Variants in VGLL3 observed in about 807,000 individuals in gnomAD.
VGLL3 encodes transcription cofactor vestigial-like protein 3.
In VGLL3, 18 loss-of-function variants were observed where a neutral mutation model predicts 29.2. The ratio of observed to expected loss-of-function variants is 0.62; its 90% CI spans 0.43 to 0.91. The LOEUF (loss-of-function observed/expected upper bound fraction) is 0.91, where lower values mean the gene tolerates loss of function less well. Ranked by LOEUF, VGLL3 falls within the 40% of genes least tolerant of loss-of-function variation. The pLI is 0.00. For synonymous variants in VGLL3, 180 were observed against 151.8 expected (o/e 1.19, Z -1.36); for missense variants, 440 against 413.2 (o/e 1.06, Z -0.56).
intron 3 of VGLL3, among the ~76,000 whole-genome samples, chr3:86,959,227 A>G (rs1050530947): frequency 6.6e-6 from 1 of 152,142 alleles, no homozygotes; most frequent in Non-Finnish European, 1.5e-5. Flanking sequence ...TCCATATAGA[A>G]CTGTCATTTT....
At position 86,941,716 on chromosome 3, in the gene VGLL3, A is replaced by G. The variant is rs960455689; in HGVS notation, c.*5308T>C. On this transcript the variant is annotated 3_prime_UTR_variant, in exon 4 of 4. Transcript: ENST00000398399. Reference sequence around the variant, plus strand: ...ATAAAAGAAATAGAAAAGTTGAGATACTTTAACAATAATGACGATTTCTGT... The same window carrying G: ...ATAAAAGAAATAGAAAAGTTGAGATGCTTTAACAATAATGACGATTTCTGT... 1.3e-5 allele frequency: 2 copies of G among 152,266 alleles called. No individual in the cohort carries two copies. The highest frequency in any genetic ancestry group is 3.9e-4 in the East Asian group (2 of 5,186). 9.4% of individuals were successfully genotyped at this position (152,266 alleles called of 1,614,324 possible). A position where few individuals can be genotyped will look rare whatever the true frequency, so the allele number is the denominator to read the frequency against.
intron 1 of VGLL3, among the ~76,000 whole-genome samples, chr3:86,980,359 A>G (rs1310224907): frequency 6.6e-6 from 1 of 152,120 alleles, no homozygotes; most frequent in Non-Finnish European, 1.5e-5. Flanking sequence ...GTTCTTGTAT[A>G]AGGTGAGTAC....
Position 86,940,323 on chromosome 3 carries a change from A to T in VGLL3, c.*6701T>A, listed in dbSNP as rs944851924. The T allele has an allele frequency of 6.6e-6, 1 of 152,666 alleles. No homozygotes were observed. Among genetic ancestry groups the T allele is most frequent in the African/African-American group, 2.4e-5 (1 of 41,472 alleles). 9.5% of individuals were successfully genotyped at this position (152,666 alleles called of 1,614,324 possible). On this transcript the variant is annotated 3_prime_UTR_variant, in exon 4 of 4. Transcript: ENST00000398399. ...TGTCAACAAATGTAAAAACAATAAAATACACCTTGGTCAACCAATATCCTT... is the reference window on the plus strand; with the variant it reads ...TGTCAACAAATGTAAAAACAATAAATTACACCTTGGTCAACCAATATCCTT...
intron 3 of VGLL3, among the ~76,000 whole-genome samples, chr3:86,950,405 A>G (rs1320519005): frequency 1.3e-5 from 2 of 152,216 alleles, no homozygotes; most frequent in African/African-American, 4.8e-5. Context: ...TTAAGTTAAG[A>G]GAATTTACGC....
chr3:86,963,276 G>A (rs922784496), intron 3 of VGLL3, among the ~76,000 whole-genome samples: 1 of 152,128 alleles, frequency 6.6e-6, no homozygotes, highest in African/African-American at 2.4e-5. Flanking sequence ...ATGACTTTAT[G>A]ATAGATGCTA....
chr3:86,976,929 A>T (rs1705221463), intron 2 of VGLL3, among the ~76,000 whole-genome samples: 1 of 152,158 alleles, frequency 6.6e-6, no homozygotes, highest in Non-Finnish European at 1.5e-5. Context: ...TAACTCACTA[A>T]TGTTTTCCTA....
chr3:86,976,531 AT>A (rs1174497806), intron 2 of VGLL3, among the ~76,000 whole-genome samples: 3 of 152,224 alleles, frequency 2.0e-5, no homozygotes, highest in Admixed American at 1.3e-4. Context: ...ATATTTGAAG[AT>A]CAAATTTAAG....
At chr3:86,987,209 T>G (rs1368901842) in intron 1 of VGLL3, among the ~76,000 whole-genome samples, 1 of 152,142 alleles carries the variant, frequency 6.6e-6, no homozygotes, top group Non-Finnish European at 1.5e-5. Context: ...TGAAGTTATG[T>G]TTTTCCAGGG....
rs1704395914 is a variant in VGLL3 at position 86,941,455 on chromosome 3, T to C, written c.*5569A>G. The C allele has an allele frequency of 6.6e-6, 1 of 152,236 alleles. No homozygotes were observed. The highest frequency in any genetic ancestry group is 2.4e-5 in the African/African-American group (1 of 41,414). 9.4% of individuals were successfully genotyped at this position (152,236 alleles called of 1,614,324 possible). A position where few individuals can be genotyped will look rare whatever the true frequency, so the allele number is the denominator to read the frequency against. ...ATTTAGTAGTCTAGAAATTGTTTTTTTTTTTAAAAAAACAAATTGATGATT... is the reference window on the plus strand; with the variant it reads ...ATTTAGTAGTCTAGAAATTGTTTTTCTTTTTAAAAAAACAAATTGATGATT... On this transcript the variant is annotated 3_prime_UTR_variant, in exon 4 of 4. Coordinates refer to ENST00000398399, the MANE Select transcript of VGLL3 (RefSeq NM_016206.4).
At chr3:86,982,270 TAGAA>T (rs1705340885) in intron 1 of VGLL3, among the ~76,000 whole-genome samples, 1 of 151,968 alleles carries the variant, frequency 6.6e-6, no homozygotes, top group African/African-American at 2.4e-5. Flanking sequence ...TCAGCCTCCC[TAGAA>T]GCTGGGATTA....
intron 2 of VGLL3, among the ~76,000 whole-genome samples, chr3:86,974,080 TG>T (rs1221980685): frequency 1.3e-5 from 2 of 152,100 alleles, no homozygotes; most frequent in Non-Finnish European, 2.9e-5. Flanking sequence ...AACATATATT[TG>T]TATGGAGATA....
At chr3:86,982,077 A>T (rs1705336331) in intron 1 of VGLL3, among the ~76,000 whole-genome samples, 1 of 152,186 alleles carries the variant, frequency 6.6e-6, no homozygotes, top group African/African-American at 2.4e-5. Flanking sequence ...CATTCTCCAT[A>T]GACTCTGGTG....
intron 3 of VGLL3, among the ~76,000 whole-genome samples, chr3:86,964,956 G>A (rs569586794): frequency 8.5e-5 from 13 of 152,078 alleles, no homozygotes; most frequent in African/African-American, 2.4e-4. Context: ...TCAGGAGTTC[G>A]AGACCAGCCT....
At chr3:86,980,886 T>C (rs1239761053) in intron 1 of VGLL3, among the ~76,000 whole-genome samples, 1 of 152,102 alleles carries the variant, frequency 6.6e-6, no homozygotes, top group Non-Finnish European at 1.5e-5. Flanking sequence ...GGTGGCATCA[T>C]TGTCCACAAG....
intron 3 of VGLL3, among the ~76,000 whole-genome samples, chr3:86,956,792 C>CAAAAA (rs55781336): frequency 5.5e-5 from 5 of 90,818 alleles, no homozygotes; most frequent in Non-Finnish European, 8.4e-5. Context: ...CCCACCGTCC[C>CAAAAA]AAAAAAAAAA....
At chr3:86,951,375 C>T (rs772138329) in intron 3 of VGLL3, among the ~76,000 whole-genome samples, 10 of 152,150 alleles carry the variant, frequency 6.6e-5, no homozygotes, top group Non-Finnish European at 1.5e-4. Context: ...GTGTGATCAC[C>T]TGAGATCTCT....
chr3:86,979,570 C>A lies in VGLL3; in HGVS notation c.127-768G>T, dbSNP rs577641312. On this transcript the variant is annotated intron_variant, in intron 1 of 3. Coordinates refer to ENST00000398399, the MANE Select transcript of VGLL3 (RefSeq NM_016206.4). ...AAAATATAATTCTAATAATAATATA[C>A]ATTATTTCAGACATGTTTCTAAAAC... Among the ~76,000 whole-genome samples, 5 of 152,120 alleles carry A rather than the reference C, an allele frequency of 3.3e-5. No homozygotes were observed. The South Asian group carries it at 1.0e-3, about 32-fold the overall frequency.
intron 2 of VGLL3, among the ~76,000 whole-genome samples, chr3:86,974,405 C>A (rs1024664710): frequency 6.6e-6 from 1 of 152,044 alleles, no homozygotes; most frequent in Non-Finnish European, 1.5e-5. Flanking sequence ...CAGGCATGAG[C>A]CACCACGCCC....
chr3:86,971,706 A>G lies in VGLL3; in HGVS notation c.404-2583T>C, dbSNP rs1317206944. Among the ~76,000 whole-genome samples the G allele has an allele frequency of 2.0e-5, 3 of 152,220 alleles. No individual in the cohort carries two copies. The East Asian group carries it at 5.8e-4, about 29-fold the overall frequency. ...GAAGGAAAGTCGTGTAAGTTGTAAG[A>G]AGAAAATTCAATTTGCCTTAGGTGA... On this transcript the variant is annotated intron_variant, in intron 2 of 3. Coordinates refer to ENST00000398399, the MANE Select transcript of VGLL3 (RefSeq NM_016206.4).
Sources: allele counts gnomAD v4.1 joint callset (sites outside exome capture counted in the v4.1 genomes callset), GRCh38; gene constraint gnomAD v4.1.1; transcripts MANE v1.5; gene names NCBI Gene and HGNC (gene_info 2026-07-23, HGNC 2026-07-21).